The following NELL2 variants were observed in gnomAD, a reference collection of about 807,000 sequenced individuals.
NELL2 encodes the protein protein kinase C-binding protein NELL2.
A neutral mutation model predicts 109.6 loss-of-function variants in NELL2; 41 were observed. That is an observed-to-expected ratio of 0.37 (90% confidence interval 0.29 to 0.49). The LOEUF is 0.49. NELL2 is among the 20% of genes least tolerant of loss of function. The pLI is 0.98. For missense variants in NELL2, 900 were observed against 1,008.3 expected, an observed-to-expected ratio of 0.89 and a Z score of 1.45; for synonymous variants, 355 against 344.7, an observed-to-expected ratio of 1.03 and a Z score of -0.33.
chr12:44,887,734 C>A (rs933864728), intron 1 of NELL2, among the ~76,000 whole-genome samples: 1 of 151,608 alleles, frequency 6.6e-6, no homozygotes, highest in African/African-American at 2.4e-5. Flanking sequence ...GGTTATTAAT[C>A]CCTTGTCAGG....
At chr12:44,878,459 A>G (rs1053338686), upstream of NELL2, among the ~76,000 whole-genome samples, 7 of 152,216 alleles carry the variant, frequency 4.6e-5, no homozygotes, top group African/African-American at 1.2e-4. Flanking sequence ...TTTCAACATT[A>G]TAACTACTAA....
rs1941891975 is a variant in NELL2, at chr12:44,779,944, T to C, written c.414A>G (p.Thr138=). 6.2e-7 allele frequency: 1 copy of C among 1,613,956 alleles called. No individual in the cohort carries two copies. The part of the protein sequence containing the change: ...HYRSGSHRPH[T]EVFPYILADD... Reference sequence around the variant, plus strand: ...CAGCCAAAATGTAAGGAAACACTTCTGTGTGAGGGCGGTGACTGCCTGAGC... The same window carrying C: ...CAGCCAAAATGTAAGGAAACACTTCCGTGTGAGGGCGGTGACTGCCTGAGC... The change falls in exon 4 of 20, where the codon ACA becomes ACG. Residue 138 remains threonine, a synonymous_variant. Coordinates refer to ENST00000429094, the MANE Select transcript of NELL2 (RefSeq NM_001145108.2).
chr12:44,606,535 G>A (rs573709259), intron 15 of NELL2, among the ~76,000 whole-genome samples: 2 of 152,168 alleles, frequency 1.3e-5, no homozygotes, highest in African/African-American at 4.8e-5. Flanking sequence ...AAATTCCCAA[G>A]ATGTGTTTTT....
intron 1 of NELL2, among the ~76,000 whole-genome samples, chr12:44,890,102 C>G (rs558140819): frequency 1.3e-5 from 2 of 152,292 alleles, no homozygotes; most frequent in Admixed American, 6.5e-5. Flanking sequence ...AGTCCTCTGA[C>G]AGGAATAAAT....
chr12:44,680,463 T>C (rs1948459717), intron 12 of NELL2, among the ~76,000 whole-genome samples: 1 of 152,192 alleles, frequency 6.6e-6, no homozygotes. Context: ...AAAGAAAAAT[T>C]ACTTGGAGGA....
chr12:44,752,655 A>T (rs566662368), intron 9 of NELL2, among the ~76,000 whole-genome samples: 2 of 152,286 alleles, frequency 1.3e-5, no homozygotes, highest in Admixed American at 1.3e-4. Flanking sequence ...TCCTTGCTAC[A>T]TTCCCTAAAT....
At chr12:44,770,475 A>G (rs1285384345) in intron 9 of NELL2, among the ~76,000 whole-genome samples, 2 of 152,204 alleles carry the variant, frequency 1.3e-5, no homozygotes, top group Admixed American at 1.3e-4. Flanking sequence ...TCACAGAATT[A>G]ACTATTCAAT....
chr12:44,882,483 TACAC>T (rs1290742070), intron 1 of NELL2, among the ~76,000 whole-genome samples: 1 of 151,400 alleles, frequency 6.6e-6, no homozygotes, highest in East Asian at 1.9e-4. Flanking sequence ...TATATATACA[TACAC>T]ACACATATAC....
At chr12:44,587,286 T>TAAAA (rs1944554699) in intron 15 of NELL2, among the ~76,000 whole-genome samples, 1 of 40,388 alleles carries the variant, frequency 2.5e-5, no homozygotes, top group African/African-American at 7.5e-5. Context: ...AAAAAAAAAA[T>TAAAA]ATATATATAT....
rs184228817 is a variant in NELL2 at position 44,671,219 on chromosome 12, C to A, written c.1319-5610G>T. On this transcript the variant is annotated intron_variant, in intron 12 of 19. Coordinates refer to ENST00000429094, the MANE Select transcript of NELL2 (RefSeq NM_001145108.2). ...TGGGCCAATATAGAAATTACGAAGA[C>A]AATAAAAAGTTCTCTCTAAGCAAAT... Among the ~76,000 whole-genome samples, 960 of 152,070 alleles carry A rather than the reference C, an allele frequency of 6.3e-3. 6 individuals carry two copies. The highest frequency in any genetic ancestry group is 0.011 in the Non-Finnish European group (767 of 67,952).
At chr12:44,695,891 G>A (rs1949049076) in intron 12 of NELL2, among the ~76,000 whole-genome samples, 1 of 152,124 alleles carries the variant, frequency 6.6e-6, no homozygotes. Context: ...GGCTGAGGTG[G>A]GGGGATTGCT....
chr12:44,742,243 G>C (rs1268715446), intron 9 of NELL2, among the ~76,000 whole-genome samples: 1 of 152,186 alleles, frequency 6.6e-6, no homozygotes, highest in African/African-American at 2.4e-5. Context: ...ACCTGCAGCT[G>C]AGGGTCCTCT....
At chr12:44,754,983 A>G (rs1266040615) in intron 9 of NELL2, among the ~76,000 whole-genome samples, 2 of 152,208 alleles carry the variant, frequency 1.3e-5, no homozygotes, top group Admixed American at 1.3e-4. Context: ...CCAATGAACT[A>G]GATCCATTCA....
intron 17 of NELL2, 114 bp from the exon 18 acceptor site, chr12:44,522,290 C>T (rs1941577223): frequency 1.5e-5 from 11 of 744,958 alleles, no homozygotes; most frequent in Non-Finnish European, 2.0e-5. Flanking sequence ...ATAATTCACA[C>T]TGCTTATCTG....
chr12:44,683,349 A>T (rs1948595019), intron 12 of NELL2, among the ~76,000 whole-genome samples: 1 of 144,372 alleles, frequency 6.9e-6, no homozygotes, highest in South Asian at 2.1e-4. Flanking sequence ...TAGATATACT[A>T]TCATGTCGTC....
chr12:44,646,985 A>G (rs1947119127), intron 13 of NELL2, among the ~76,000 whole-genome samples: 1 of 152,232 alleles, frequency 6.6e-6, no homozygotes. Flanking sequence ...TAAATAAAAA[A>G]TGCATATAAA....
At chr12:44,876,564 C>G (rs778626250), upstream of NELL2, 69 of 1,489,780 alleles carry the variant, frequency 4.6e-5, no homozygotes, top group Non-Finnish European at 5.8e-5. Flanking sequence ...ATTGAAAGCT[C>G]TAAATCCAAG....
intron 9 of NELL2, among the ~76,000 whole-genome samples, chr12:44,763,276 A>C (rs191228957): frequency 4.3e-4 from 65 of 152,332 alleles, no homozygotes; most frequent in African/African-American, 1.5e-3. Flanking sequence ...GTAGACTACA[A>C]GCATGAACAT....
intron 12 of NELL2, among the ~76,000 whole-genome samples, chr12:44,680,520 T>C (rs964472656): frequency 1.3e-5 from 2 of 152,156 alleles, no homozygotes; most frequent in Non-Finnish European, 2.9e-5. Flanking sequence ...AAAGTAAAAA[T>C]GAAAGTCAAA....
Sources: gnomAD v4.1 joint callset for allele counts (sites outside exome capture counted in the v4.1 genomes callset) on GRCh38, gnomAD v4.1.1 for gene constraint, MANE v1.5 for transcripts, NCBI Gene and HGNC (gene_info 2026-07-23, HGNC 2026-07-21) for gene names.